The following TMEM135 variants were observed in gnomAD, a reference collection of about 807,000 sequenced individuals.
The protein encoded by TMEM135 is peroxisomal membrane protein 52.
In TMEM135, 30 loss-of-function variants were observed where a neutral mutation model predicts 60.3. That is an observed-to-expected ratio of 0.50 (90% CI 0.37 to 0.68). The LOEUF is 0.68. Ranked by LOEUF, TMEM135 falls within the 30% of genes least tolerant of loss-of-function variation. The probability of loss-of-function intolerance (pLI) is 0.00; values close to 1 mark genes in which losing one functional copy is unlikely to be tolerated. For synonymous variants in TMEM135, 190 were observed against 186.7 expected, an observed-to-expected ratio of 1.02 and a Z score of -0.14; for missense variants, 468 against 548.8, an observed-to-expected ratio of 0.85 and a Z score of 1.47.
At chr11:87,317,233 T>C (rs1942748084) in intron 12 of TMEM135, among the ~76,000 whole-genome samples, 1 of 152,092 alleles carries the variant, frequency 6.6e-6, no homozygotes, top group Non-Finnish European at 1.5e-5. Flanking sequence ...AGTTATTCTA[T>C]CTATTGGGAA....
At chr11:87,258,885 C>T in intron 6 of TMEM135, 1 of 977,186 alleles carries the variant, frequency 1.0e-6, no homozygotes. Context: ...GAGCCCCTTG[C>T]ATTCTTCCTG....
chr11:87,305,405 C>G (rs1942521467), intron 8 of TMEM135, among the ~76,000 whole-genome samples: 1 of 152,074 alleles, frequency 6.6e-6, no homozygotes, highest in Non-Finnish European at 1.5e-5. Context: ...TGGTAAGCAG[C>G]AAGTAGAAAA....
chr11:87,211,892 C>T (rs149536321), intron 5 of TMEM135, among the ~76,000 whole-genome samples: 3 of 151,490 alleles, frequency 2.0e-5, no homozygotes, highest in African/African-American at 4.9e-5. Flanking sequence ...TGCAGTGAGC[C>T]GAGACCACGC....
At chr11:87,250,373 GTTATGTTGTTTGCTTAAAGTT>G (rs1315580248) in intron 6 of TMEM135, among the ~76,000 whole-genome samples, 2 of 151,932 alleles carry the variant, frequency 1.3e-5, no homozygotes, top group African/African-American at 2.4e-5. Flanking sequence ...AAGATGCATT[GTTATGTTGTTTGCTTAAAGTT>G]TTTCTGCTTT....
intron 5 of TMEM135, among the ~76,000 whole-genome samples, chr11:87,181,513 T>C (rs965684918): frequency 6.6e-5 from 10 of 152,144 alleles, no homozygotes; most frequent in Non-Finnish European, 1.3e-4. Flanking sequence ...TGATTCAGTT[T>C]ATATGACATT....
chr11:87,324,976 T>G lies in TMEM135; in HGVS notation c.*3643T>G, dbSNP rs1942891112. ...TTTCTTTAGGGCTGCACTTTGAATG[T>G]GATGAGTAATAAGGTTACCTTCATT... is the stretch of plus-strand genomic sequence containing the variant. On this transcript the variant is annotated 3_prime_UTR_variant, in exon 15 of 15. Coordinates refer to ENST00000305494, the MANE Select transcript of TMEM135 (RefSeq NM_022918.4). 2.2e-6 allele frequency: 1 copy of G among 453,946 alleles called. No homozygotes were observed. 28.1% of individuals were successfully genotyped at this position (453,946 alleles called of 1,614,324 possible).
At chr11:87,320,461 C>T (rs1373850707) in intron 14 of TMEM135, among the ~76,000 whole-genome samples, 1 of 152,140 alleles carries the variant, frequency 6.6e-6, no homozygotes, top group Non-Finnish European at 1.5e-5. Context: ...TGGAAAAGTA[C>T]TGAAAGTCAC....
In TMEM135 at chr11:87,080,378, C is replaced by T. The variant is rs138193195; in HGVS notation, c.362+8763C>T. On this transcript the variant is annotated intron_variant, in intron 3 of 14. Transcript: ENST00000305494. ...TGAGATAACCAAAAATTCCTACAGG[C>T]ATTGCTACATCTCCCCATGGAACAA... Among the ~76,000 whole-genome samples the T allele has an allele frequency of 1.2e-3, 183 of 152,218 alleles. 1 individual carries two copies. Among genetic ancestry groups the T allele is most frequent in the African/African-American group, 4.2e-3 (176 of 41,532 alleles).
intron 6 of TMEM135, among the ~76,000 whole-genome samples, chr11:87,267,912 G>A (rs922928985): frequency 2.0e-5 from 3 of 152,102 alleles, no homozygotes; most frequent in Admixed American, 2.0e-4. Context: ...GAATGGTCTC[G>A]AACTCCTGAC....
chr11:87,086,314 C>T (rs1387117830), intron 3 of TMEM135, among the ~76,000 whole-genome samples: 1 of 151,934 alleles, frequency 6.6e-6, no homozygotes, highest in Non-Finnish European at 1.5e-5. Context: ...ATGCCCCCTG[C>T]CCTGCACCCA....
At chr11:87,093,838 C>G (rs1026828991) in intron 4 of TMEM135, among the ~76,000 whole-genome samples, 2 of 152,044 alleles carry the variant, frequency 1.3e-5, no homozygotes, top group Admixed American at 1.3e-4. Flanking sequence ...GGCCAATTTA[C>G]TTGTTTTTAA....
In TMEM135 at chr11:87,321,938, G is replaced by C; in HGVS notation, c.*605G>C. On this transcript the variant is annotated 3_prime_UTR_variant, in exon 15 of 15. Transcript: ENST00000305494. ...CTCATACCATTTGGATAAATGTCGT[G>C]GTATCCATGCTTTTTTTCAACTAAT... is the stretch of plus-strand genomic sequence containing the variant. The C allele has an allele frequency of 2.2e-6, 1 of 454,266 alleles. No individual in the cohort carries two copies. Among genetic ancestry groups the C allele is most frequent in the Non-Finnish European group, 4.4e-6 (1 of 226,696 alleles). The allele number at this position is 454,266 out of a possible 1,614,324, so 28.1% of individuals were successfully genotyped here.
chr11:87,159,904 T>C (rs1938822020), intron 5 of TMEM135, among the ~76,000 whole-genome samples: 2 of 152,174 alleles, frequency 1.3e-5, no homozygotes, highest in African/African-American at 4.8e-5. Flanking sequence ...TAAAGGATTA[T>C]TTAAAATACA....
chr11:87,274,828 GTTTATATATTTATATA>G (rs1565152104), intron 6 of TMEM135, among the ~76,000 whole-genome samples: 1 of 132,444 alleles, frequency 7.6e-6, no homozygotes, highest in Non-Finnish European at 1.7e-5. Context: ...GTGTGTGTGT[GTTTATATATTTATATA>G]TGTGTGTATA....
At chr11:87,316,078 C>G (rs1267178196) in intron 12 of TMEM135, among the ~76,000 whole-genome samples, 1 of 151,932 alleles carries the variant, frequency 6.6e-6, no homozygotes, top group Non-Finnish European at 1.5e-5. Flanking sequence ...GATTTCAATC[C>G]AGGTGCTAGA....
At chr11:87,293,692 A>T (rs929484058) in intron 6 of TMEM135, among the ~76,000 whole-genome samples, 1 of 152,156 alleles carries the variant, frequency 6.6e-6, no homozygotes, top group Non-Finnish European at 1.5e-5. Context: ...ACATGATCTC[A>T]TTCCTTTTTA....
chr11:87,080,296 C>T (rs188169734), intron 3 of TMEM135, among the ~76,000 whole-genome samples: 14 of 151,342 alleles, frequency 9.3e-5, no homozygotes, highest in African/African-American at 2.4e-4. Context: ...TGGGAGGGCT[C>T]TCTTGTGCAG....
intron 5 of TMEM135, among the ~76,000 whole-genome samples, chr11:87,183,300 G>A (rs756858111): frequency 2.6e-5 from 4 of 151,072 alleles, no homozygotes; most frequent in Admixed American, 6.6e-5. Context: ...GTGCCACCAC[G>A]CCTGGTTAAT....
intron 4 of TMEM135, among the ~76,000 whole-genome samples, chr11:87,139,054 G>A (rs903483433): frequency 3.9e-5 from 6 of 151,916 alleles, no homozygotes; most frequent in African/African-American, 9.7e-5. Flanking sequence ...TGTTGCTTTC[G>A]GCAGCTTCCA....
Sources: gnomAD v4.1 joint callset for allele counts (sites outside exome capture counted in the v4.1 genomes callset) on GRCh38, gnomAD v4.1.1 for gene constraint, MANE v1.5 for transcripts, NCBI Gene and HGNC (gene_info 2026-07-23, HGNC 2026-07-21) for gene names.